Variants in SP100 observed in about 807,000 individuals in gnomAD.
SP100 encodes the protein nuclear autoantigen Sp-100.
A neutral mutation model predicts 130.0 loss-of-function variants in SP100; 84 were observed. The ratio of observed to expected loss-of-function variants is 0.65; its 90% confidence interval spans 0.54 to 0.77. The LOEUF is 0.77. Ranked by LOEUF, SP100 falls within the 30% of genes least tolerant of loss-of-function variation. SP100 has a pLI of 0.00. For missense variants in SP100, 978 were observed against 1,052.2 expected, an observed-to-expected ratio of 0.93 and a Z score of 0.97; for synonymous variants, 331 against 351.7, an observed-to-expected ratio of 0.94 and a Z score of 0.66.
chr2:230,458,152 A>C (rs975775662), intron 8 of SP100, among the ~76,000 whole-genome samples: 1 of 152,220 alleles, frequency 6.6e-6, no homozygotes, highest in Non-Finnish European at 1.5e-5. Context: ...TTTGCACATA[A>C]CTTTTACATT....
rs1361557821 is a variant in SP100, at chr2:230,477,938, A to AC, written c.1600+3492dup. Reference sequence around the variant, plus strand: ...TGACAGAACAAGACCCTGTCTCAAAACAAAACAAACAAAAAAAAAAGCATT... The same window carrying AC: ...TGACAGAACAAGACCCTGTCTCAAAACCAAAACAAACAAAAAAAAAAGCATT... On this transcript the variant is annotated intron_variant, in intron 17 of 28. Coordinates refer to ENST00000340126, the MANE Select transcript of SP100 (RefSeq NM_001080391.2). 2.2e-5 allele frequency among the ~76,000 whole-genome samples: 3 copies of AC among 136,666 alleles called. 1 individual carries two copies. Among genetic ancestry groups the AC allele is most frequent in the Non-Finnish European group, 3.2e-5 (2 of 63,164 alleles). 89.7% of individuals were successfully genotyped at this position (136,666 alleles called of 152,430 possible).
At chr2:230,466,241 G>T in intron 11 of SP100, 60 bp from the exon 12 acceptor site, 10 of 820,254 alleles carry the variant, frequency 1.2e-5, no homozygotes, top group Non-Finnish European at 1.8e-5. Flanking sequence ...CATGTCAGTT[G>T]TCATAGAATT....
At chr2:230,506,932 C>A (rs1021060181) in intron 22 of SP100, among the ~76,000 whole-genome samples, 5 of 152,166 alleles carry the variant, frequency 3.3e-5, no homozygotes, top group African/African-American at 1.2e-4. Context: ...AAATAAATTG[C>A]ATTTTAAAGT....
intron 24 of SP100, among the ~76,000 whole-genome samples, chr2:230,521,931 T>C (rs1691189251): frequency 2.6e-5 from 4 of 152,170 alleles, no homozygotes; most frequent in Admixed American, 1.3e-4. Flanking sequence ...CTCTTCTCTA[T>C]TGGGGAACAT....
intron 12 of SP100, among the ~76,000 whole-genome samples, chr2:230,466,791 A>G (rs1041021050): frequency 4.6e-5 from 7 of 152,202 alleles, no homozygotes; most frequent in African/African-American, 1.4e-4. Context: ...CATATACAAA[A>G]ACCACAACAA....
In SP100 at chr2:230,543,009, A is replaced by G. The variant is rs1342767547; in HGVS notation, c.*63A>G. 3 of 897,958 alleles carry G rather than the reference A, an allele frequency of 3.3e-6. No individual in the cohort carries two copies. The highest frequency in any genetic ancestry group is 1.5e-5 in the South Asian group (1 of 67,196). 55.6% of individuals were successfully genotyped at this position (897,958 alleles called of 1,614,324 possible). A position where few individuals can be genotyped will look rare whatever the true frequency, so the allele number is the denominator to read the frequency against. ...AGCTACGCAATGTGCCTGTGGTCCC[A>G]CTAATCTGTGACTGCTCCTGTGGAA... On this transcript the variant is annotated 3_prime_UTR_variant, in exon 29 of 29. Coordinates refer to ENST00000340126, the MANE Select transcript of SP100 (RefSeq NM_001080391.2).
At chr2:230,492,736 T>C (rs2066456305) in intron 17 of SP100, among the ~76,000 whole-genome samples, 1 of 152,246 alleles carries the variant, frequency 6.6e-6, no homozygotes, top group Non-Finnish European at 1.5e-5. Flanking sequence ...CTACCTTAGT[T>C]TGCTGAAGTA....
Position 230,467,230 on chromosome 2 carries a change from C to G in SP100, c.1291+15C>G, listed in dbSNP as rs1288354293. 4.4e-6 allele frequency: 7 copies of G among 1,583,524 alleles called. No individual in the cohort carries two copies. Among genetic ancestry groups the G allele is most frequent in the Non-Finnish European group, 6.1e-6 (7 of 1,152,178 alleles). ...TGGTGAGAAGGGTAAGAACAGCTCCCTTGACTTCAGGGCTCTGACTTCAGA... is the reference window on the plus strand; with the variant it reads ...TGGTGAGAAGGGTAAGAACAGCTCCGTTGACTTCAGGGCTCTGACTTCAGA... On this transcript the variant is annotated intron_variant, in intron 13 of 28. Transcript: ENST00000340126.
rs891329665 is a variant in SP100, at chr2:230,543,983, A to G, written c.*1037A>G. 6.6e-6 allele frequency: 1 copy of G among 152,212 alleles called. No homozygotes were observed. Among genetic ancestry groups the G allele is most frequent in the Admixed American group, 6.5e-5 (1 of 15,274 alleles). The allele number at this position is 152,212 out of a possible 1,614,324, so 9.4% of individuals were successfully genotyped here. ...AAAGCCACATAGACCAATGGAACAGAACGAAGAGCACAGAATAAGACCACA... is the reference window on the plus strand; with the variant it reads ...AAAGCCACATAGACCAATGGAACAGGACGAAGAGCACAGAATAAGACCACA... On this transcript the variant is annotated 3_prime_UTR_variant, in exon 29 of 29. Transcript: ENST00000340126.
intron 23 of SP100, chr2:230,508,583 G>A (rs1180952099): frequency 6.6e-6 from 1 of 152,048 alleles, no homozygotes; most frequent in East Asian, 1.9e-4. Flanking sequence ...CTCCCAAAAG[G>A]CTGGGATTAC....
At position 230,539,461 on chromosome 2, in the gene SP100, G is replaced by A. The variant is rs1692078758; in HGVS notation, c.2210+79G>A. The A allele has an allele frequency of 3.2e-6, 3 of 933,478 alleles. No individual in the cohort carries two copies. In the East Asian group the frequency reaches 7.3e-5, roughly 23 times the overall value. The allele number at this position is 933,478 out of a possible 1,614,324, so 57.8% of individuals were successfully genotyped here. A position where few individuals can be genotyped will look rare whatever the true frequency, so the allele number is the denominator to read the frequency against. On this transcript the variant is annotated intron_variant, in intron 25 of 28. Transcript: ENST00000340126. ...TCCTGCCACTCATGAGTACTCTGCA[G>A]AGTTTCTGTACCTGGTTATGTGTTT...
intron 8 of SP100, among the ~76,000 whole-genome samples, chr2:230,450,598 T>C (rs2063931709): frequency 6.6e-6 from 1 of 152,180 alleles, no homozygotes; most frequent in Non-Finnish European, 1.5e-5. Context: ...TAACTAAAAT[T>C]TTGTATCCTT....
intron 7 of SP100, 139 bp downstream of exon 7, chr2:230,449,849 T>C: frequency 2.2e-6 from 2 of 895,970 alleles, no homozygotes; most frequent in Non-Finnish European, 3.5e-6. Flanking sequence ...AGGGGGCCTG[T>C]TATACAGATG....
chr2:230,481,942 C>T (rs563449009), intron 17 of SP100, among the ~76,000 whole-genome samples: 1 of 152,200 alleles, frequency 6.6e-6, no homozygotes, highest in South Asian at 2.1e-4. Context: ...ATGGAGAGGC[C>T]TTGCCTGATC....
In SP100 at chr2:230,449,559, A is replaced by G; in HGVS notation, c.587-2A>G. On this transcript the variant is annotated splice_acceptor_variant, in intron 6 of 28. Transcript: ENST00000340126. LOFTEE classifies it high-confidence loss of function. ...ATACCTGTGAATCAAACCATGGTTT[A>G]GGTACAACCCCACCTGAAAATGGAC... 1 of 1,613,968 alleles carries G rather than the reference A, an allele frequency of 6.2e-7. No homozygotes were observed. Among genetic ancestry groups the G allele is most frequent in the Non-Finnish European group, 8.5e-7 (1 of 1,179,934 alleles).
At chr2:230,416,677 C>A in intron 1 of SP100, 1 of 967,416 alleles carries the variant, frequency 1.0e-6, no homozygotes, top group Non-Finnish European at 1.2e-6. Context: ...CTTCCTCTAC[C>A]TTCAAATATG....
chr2:230,461,561 C>T (rs1307261833), intron 9 of SP100, 147 bp downstream of exon 9: 4 of 728,064 alleles, frequency 5.5e-6, no homozygotes, highest in Non-Finnish European at 9.4e-6. Context: ...TGCAGTGAGT[C>T]TTCAGCTTGA....
intron 15 of SP100, 136 bp downstream of exon 15, chr2:230,470,234 C>T: frequency 2.2e-6 from 3 of 1,335,000 alleles, no homozygotes; most frequent in Non-Finnish European, 2.9e-6. Context: ...CTCCTTTTTG[C>T]ATTTTAGAAA....
At chr2:230,437,206 A>G (rs966346585) in intron 2 of SP100, among the ~76,000 whole-genome samples, 2 of 152,134 alleles carry the variant, frequency 1.3e-5, no homozygotes, top group African/African-American at 2.4e-5. Flanking sequence ...CCCATTCATG[A>G]ATAGGTTTAA....
Sources: gnomAD v4.1 joint callset for allele counts (sites outside exome capture counted in the v4.1 genomes callset) on GRCh38, gnomAD v4.1.1 for gene constraint, MANE v1.5 for transcripts, NCBI Gene and HGNC (gene_info 2026-07-23, HGNC 2026-07-21) for gene names.